ADAMTSL1: variants seen among roughly 807,000 people sequenced by gnomAD.
ADAMTSL1 encodes ADAMTS-like protein 1.
A neutral mutation model predicts 201.8 loss-of-function variants in ADAMTSL1; 126 were observed. The ratio of observed to expected loss-of-function variants is 0.62; its 90% CI spans 0.54 to 0.72. ADAMTSL1 has a LOEUF of 0.72. Among genes scored for constraint, ADAMTSL1 ranks in the 30% least tolerant of loss-of-function variants. The pLI, the probability that ADAMTSL1 is intolerant of heterozygous loss-of-function variation, is 0.00. For synonymous variants in ADAMTSL1, 1,121 were observed against 903.4 expected, an observed-to-expected ratio of 1.24 and a Z score of -4.32; for missense variants, 2,679 against 2,277.8, an observed-to-expected ratio of 1.18 and a Z score of -3.59.
intron 7 of ADAMTSL1, among the ~76,000 whole-genome samples, chr9:18,656,950 T>A (rs1438382727): frequency 6.6e-6 from 1 of 152,180 alleles, no homozygotes; most frequent in Non-Finnish European, 1.5e-5. Context: ...AAAAAGAAAT[T>A]GCAATTTCCA....
At chr9:18,893,485 C>A (rs766127254) in intron 26 of ADAMTSL1, among the ~76,000 whole-genome samples, 1 of 152,156 alleles carries the variant, frequency 6.6e-6, no homozygotes, top group Non-Finnish European at 1.5e-5. Flanking sequence ...CAGGCCAGTA[C>A]GTGTCGAGCT....
At chr9:18,621,895 A>T (rs974461476) in intron 4 of ADAMTSL1, among the ~76,000 whole-genome samples, 1 of 152,148 alleles carries the variant, frequency 6.6e-6, no homozygotes, top group Non-Finnish European at 1.5e-5. Flanking sequence ...AATTATTAAC[A>T]TAGGAGTTAT....
intron 23 of ADAMTSL1, among the ~76,000 whole-genome samples, chr9:18,881,967 T>C (rs1012086240): frequency 6.6e-6 from 1 of 152,026 alleles, no homozygotes; most frequent in Admixed American, 6.5e-5. Context: ...CCAAGAGAGG[T>C]TTCCTGGCTA....
chr9:18,778,646 A>G (rs1041924605), intron 19 of ADAMTSL1, among the ~76,000 whole-genome samples: 1 of 152,218 alleles, frequency 6.6e-6, no homozygotes, highest in African/African-American at 2.4e-5. Flanking sequence ...GGCCCTGGCA[A>G]TGAAGATGGT....
rs59567399 is a variant in ADAMTSL1 at position 17,952,917 on chromosome 9, C to CCCTCCTCCTCCT, written c.87+46023_87+46034dup. On this transcript the variant is annotated intron_variant, in intron 1 of 29. Transcript: ENST00000680146. ...AGCAGTTTCTCTCTCTTCCTCCTTT[C>CCCTCCTCCTCCT]CCTCCTCCTCCTCCTCCTCCTCCTC... Among the ~76,000 whole-genome samples the CCCTCCTCCTCCT allele has an allele frequency of 6.3e-4, 92 of 146,046 alleles. 1 individual carries two copies. Among genetic ancestry groups the CCCTCCTCCTCCT allele is most frequent in the African/African-American group, 2.2e-3 (84 of 38,880 alleles).
intron 1 of ADAMTSL1, among the ~76,000 whole-genome samples, chr9:18,143,173 A>G (rs1826475754): frequency 6.6e-6 from 1 of 152,182 alleles, no homozygotes; most frequent in Non-Finnish European, 1.5e-5. Context: ...CATCTAGGAA[A>G]GTGGAGCTGG....
chr9:18,519,348 C>G (rs934439525), intron 2 of ADAMTSL1, among the ~76,000 whole-genome samples: 6 of 151,982 alleles, frequency 3.9e-5, no homozygotes, highest in Non-Finnish European at 8.8e-5. Context: ...GTGTAGTGCT[C>G]GAGGGAGCAG....
intron 15 of ADAMTSL1, among the ~76,000 whole-genome samples, chr9:18,746,774 CAAAA>C (rs35648138): frequency 2.2e-4 from 26 of 120,666 alleles, no homozygotes; most frequent in African/African-American, 1.9e-4. Flanking sequence ...CAAAGGAAGG[CAAAA>C]AAAAAAAAAA....
intron 2 of ADAMTSL1, among the ~76,000 whole-genome samples, chr9:18,390,816 AC>A (rs1403721291): frequency 2.0e-5 from 3 of 152,188 alleles, no homozygotes; most frequent in African/African-American, 4.8e-5. Flanking sequence ...ACAAAAAAAA[AC>A]ACCACCTCAA....
At chr9:18,544,897 A>T (rs1255750150) in intron 3 of ADAMTSL1, among the ~76,000 whole-genome samples, 1 of 152,190 alleles carries the variant, frequency 6.6e-6, no homozygotes, top group Non-Finnish European at 1.5e-5. Flanking sequence ...TCAACTTTCA[A>T]CTGATGAAGA....
intron 1 of ADAMTSL1, among the ~76,000 whole-genome samples, chr9:18,100,987 C>A (rs779065643): frequency 6.6e-6 from 1 of 152,118 alleles, no homozygotes; most frequent in Non-Finnish European, 1.5e-5. Context: ...CTTGTCCTCG[C>A]CTGCATGTAG....
chr9:18,469,977 T>C (rs1256106394), upstream of ADAMTSL1, among the ~76,000 whole-genome samples: 1 of 152,130 alleles, frequency 6.6e-6, no homozygotes, highest in African/African-American at 2.4e-5. Context: ...ACCTACCCCA[T>C]AGAGTTGTTG....
At chr9:18,071,812 A>G (rs1822982275) in intron 1 of ADAMTSL1, among the ~76,000 whole-genome samples, 1 of 152,186 alleles carries the variant, frequency 6.6e-6, no homozygotes, top group African/African-American at 2.4e-5. Context: ...GGATGACTCA[A>G]TCTGGGGAGC....
At chr9:18,305,585 C>A (rs930629441) in intron 2 of ADAMTSL1, among the ~76,000 whole-genome samples, 1 of 152,142 alleles carries the variant, frequency 6.6e-6, no homozygotes, top group Non-Finnish European at 1.5e-5. Context: ...TAAACAAAGC[C>A]GCAGGGAAGT....
intron 1 of ADAMTSL1, among the ~76,000 whole-genome samples, chr9:17,938,619 A>G (rs1485048020): frequency 6.6e-6 from 1 of 152,134 alleles, no homozygotes; most frequent in Non-Finnish European, 1.5e-5. Flanking sequence ...AAACTGCAGA[A>G]AGTTGTCAGC....
chr9:18,033,515 C>G (rs981199768), intron 1 of ADAMTSL1, among the ~76,000 whole-genome samples: 1 of 152,160 alleles, frequency 6.6e-6, no homozygotes, highest in African/African-American at 2.4e-5. Context: ...AATACATATA[C>G]TCATCTAAAA....
intron 23 of ADAMTSL1, among the ~76,000 whole-genome samples, chr9:18,844,366 G>A (rs7034036): frequency 0.035 from 5,258 of 152,222 alleles, 319 homozygotes; most frequent in African/African-American, 0.12. Context: ...CATGAACCGC[G>A]AATGCTGCTG....
chr9:18,466,856 G>GTATT (rs1821025768), intron 2 of ADAMTSL1, among the ~76,000 whole-genome samples: 1 of 152,102 alleles, frequency 6.6e-6, no homozygotes, highest in African/African-American at 2.4e-5. Flanking sequence ...GTGATCTGTT[G>GTATT]TATTTTAGGG....
chr9:18,149,106 G>A (rs1437223316), intron 1 of ADAMTSL1, among the ~76,000 whole-genome samples: 1 of 152,010 alleles, frequency 6.6e-6, no homozygotes, highest in Non-Finnish European at 1.5e-5. Flanking sequence ...CCAAACTTTG[G>A]AGAGTAGCTC....
Sources: allele counts gnomAD v4.1 joint callset (sites outside exome capture counted in the v4.1 genomes callset), GRCh38; gene constraint gnomAD v4.1.1; transcripts MANE v1.5; gene names NCBI Gene and HGNC (gene_info 2026-07-23, HGNC 2026-07-21).